CDH13: variants seen among roughly 807,000 people sequenced by gnomAD.
The protein encoded by CDH13 is cadherin 13, also known as cadherin-13.
A neutral mutation model predicts 63.8 loss-of-function variants in CDH13; 24 were observed. The observed-to-expected ratio is 0.38, with a 90% CI of 0.27 to 0.53. The LOEUF (loss-of-function observed/expected upper bound fraction) is 0.53. CDH13 is among the 20% of genes least tolerant of loss of function. The pLI is 0.85. For synonymous variants in CDH13, 503 were observed against 355.3 expected (o/e 1.42, Z -4.67); for missense variants, 1,049 against 903.1 (o/e 1.16, Z -2.07).
rs1337463879 is a variant in CDH13, at chr16:83,797,439, C to G, written c.*2409C>G. On this transcript the variant is annotated 3_prime_UTR_variant, in exon 14 of 14. Transcript: ENST00000567109. The stretch of plus-strand genomic sequence containing the variant: ...CATTAATAAATAGAATATGCCTCAA[C>G]TTTCCCTTATTTAAACATATTCTCT... The G allele has an allele frequency of 6.6e-6, 1 of 152,220 alleles. No homozygotes were observed. Among genetic ancestry groups the G allele is most frequent in the Non-Finnish European group, 1.5e-5 (1 of 68,044 alleles). 9.4% of individuals were successfully genotyped at this position (152,220 alleles called of 1,614,324 possible). A position where few individuals can be genotyped will look rare whatever the true frequency, so the allele number is the denominator to read the frequency against.
intron 4 of CDH13, among the ~76,000 whole-genome samples, chr16:83,126,822 G>T (rs765963430): frequency 6.6e-6 from 1 of 152,198 alleles, no homozygotes; most frequent in Non-Finnish European, 1.5e-5. Context: ...TGGACTCCAA[G>T]CTTTGGACTG....
chr16:83,159,738 C>T (rs1477703963), intron 4 of CDH13, among the ~76,000 whole-genome samples: 1 of 152,140 alleles, frequency 6.6e-6, no homozygotes, highest in Non-Finnish European at 1.5e-5. Context: ...GCCTGTCAAG[C>T]ATATAAAACT....
intron 1 of CDH13, among the ~76,000 whole-genome samples, chr16:82,795,935 C>A (rs2036560152): frequency 6.8e-6 from 1 of 147,244 alleles, no homozygotes; most frequent in South Asian, 2.2e-4. Flanking sequence ...AAAAAGGCCA[C>A]CCTTCATTCT....
rs527973692 is a variant in CDH13, at chr16:82,980,970, G to T, written c.158-51040G>T. ...TAATTAGTGCTCCAGGACAAAACAT[G>T]CTGCTGCTTTTTTCTCATCCCCTAA... is the stretch of plus-strand genomic sequence containing the variant. On this transcript the variant is annotated intron_variant, in intron 2 of 13. Coordinates refer to ENST00000567109, the MANE Select transcript of CDH13 (RefSeq NM_001257.5). Among the ~76,000 whole-genome samples the T allele has an allele frequency of 4.6e-5, 7 of 152,264 alleles. No individual in the cohort carries two copies. In the South Asian group the frequency reaches 1.5e-3, roughly 32 times the overall value.
At chr16:83,406,023 C>A (rs1326772404) in intron 6 of CDH13, among the ~76,000 whole-genome samples, 1 of 152,228 alleles carries the variant, frequency 6.6e-6, no homozygotes, top group Admixed American at 6.5e-5. Context: ...CTTCTTCCAG[C>A]AGCTTCTCCC....
chr16:83,506,766 G>A (rs183388538), intron 7 of CDH13, among the ~76,000 whole-genome samples: 2 of 152,316 alleles, frequency 1.3e-5, no homozygotes, highest in East Asian at 3.9e-4. Flanking sequence ...GTGTTGTAGG[G>A]AAGCTCAAGT....
intron 6 of CDH13, among the ~76,000 whole-genome samples, chr16:83,359,349 A>G (rs1291375486): frequency 6.6e-6 from 1 of 152,202 alleles, no homozygotes; most frequent in East Asian, 1.9e-4. Flanking sequence ...TTCTGTGAGC[A>G]AGTAGATATC....
At chr16:83,526,480 C>T (rs1053274453) in intron 7 of CDH13, among the ~76,000 whole-genome samples, 1 of 152,194 alleles carries the variant, frequency 6.6e-6, no homozygotes, top group Admixed American at 6.5e-5. Context: ...AGATCCCTTG[C>T]ATGCACAGTT....
intron 7 of CDH13, among the ~76,000 whole-genome samples, chr16:83,544,223 C>G (rs2075343112): frequency 6.6e-6 from 1 of 152,056 alleles, no homozygotes; most frequent in Admixed American, 6.5e-5. Flanking sequence ...AGTAGTTCAC[C>G]CAATGTCATA....
At chr16:82,655,645 A>C (rs1331656591) in intron 1 of CDH13, among the ~76,000 whole-genome samples, 1 of 152,146 alleles carries the variant, frequency 6.6e-6, no homozygotes, top group East Asian at 1.9e-4. Flanking sequence ...CAGCAGAGGA[A>C]GCCAAAGCAA....
At position 83,571,783 on chromosome 16, in the gene CDH13, T is replaced by C. The variant is rs539298528; in HGVS notation, c.961-30671T>C. Among the ~76,000 whole-genome samples, 31 of 152,342 alleles carry C rather than the reference T, an allele frequency of 2.0e-4. No homozygotes were observed. In the South Asian group the frequency reaches 5.2e-3, roughly 25 times the overall value. On this transcript the variant is annotated intron_variant, in intron 7 of 13. Coordinates refer to ENST00000567109, the MANE Select transcript of CDH13 (RefSeq NM_001257.5). The stretch of plus-strand genomic sequence containing the variant: ...CTGCATTTTCTTTTCGCTCATATCC[T>C]GTGGTTTGTCTCAATTCTATGCAGC...
At chr16:83,377,283 G>GT (rs1289799856) in intron 6 of CDH13, among the ~76,000 whole-genome samples, 5 of 152,198 alleles carry the variant, frequency 3.3e-5, no homozygotes, top group Non-Finnish European at 7.3e-5. Flanking sequence ...CACCACTGAA[G>GT]TTTTTAACAA....
At chr16:82,753,819 A>T (rs1347630097) in intron 1 of CDH13, among the ~76,000 whole-genome samples, 2 of 152,126 alleles carry the variant, frequency 1.3e-5, no homozygotes, top group Non-Finnish European at 2.9e-5. Flanking sequence ...TCCAAACATC[A>T]AGAGAGAAGT....
At chr16:83,256,049 C>A (rs529117558) in intron 5 of CDH13, among the ~76,000 whole-genome samples, 2 of 151,980 alleles carry the variant, frequency 1.3e-5, no homozygotes, top group East Asian at 3.9e-4. Flanking sequence ...TTATTTTTTT[C>A]TTGAGACAGG....
At chr16:83,069,428 A>G (rs1488070444) in intron 3 of CDH13, among the ~76,000 whole-genome samples, 2 of 152,214 alleles carry the variant, frequency 1.3e-5, no homozygotes, top group African/African-American at 4.8e-5. Flanking sequence ...ACTACGTGCC[A>G]GGCATTGTTT....
intron 2 of CDH13, among the ~76,000 whole-genome samples, chr16:82,883,824 C>G (rs1004429241): frequency 6.6e-6 from 1 of 152,166 alleles, no homozygotes; most frequent in Non-Finnish European, 1.5e-5. Context: ...TTACTCTGTG[C>G]CTGGGACAGC....
intron 3 of CDH13, among the ~76,000 whole-genome samples, chr16:83,111,144 C>G (rs1305828429): frequency 6.6e-6 from 1 of 151,306 alleles, no homozygotes; most frequent in East Asian, 1.9e-4. Flanking sequence ...TGCACTCCAG[C>G]CTGGGCGACA....
intron 4 of CDH13, among the ~76,000 whole-genome samples, chr16:83,202,213 G>A (rs7186563): frequency 0.01 from 1,587 of 152,228 alleles, 26 homozygotes; most frequent in African/African-American, 0.036. Context: ...TGGATAGGAC[G>A]CTCTGGGTCA....
chr16:83,457,812 A>G lies in CDH13; in HGVS notation c.782-28665A>G, dbSNP rs556419925. Among the ~76,000 whole-genome samples the G allele has an allele frequency of 1.2e-4, 18 of 152,154 alleles. No homozygotes were observed. The East Asian group carries it at 2.1e-3, about 18-fold the overall frequency. On this transcript the variant is annotated intron_variant, in intron 6 of 13. Coordinates refer to ENST00000567109, the MANE Select transcript of CDH13 (RefSeq NM_001257.5). Reference sequence around the variant, plus strand: ...CCTGAGGCAAAATCTGAAAACACACATGTTAGGAAAGACATTTGTCTCTCT... The same window carrying G: ...CCTGAGGCAAAATCTGAAAACACACGTGTTAGGAAAGACATTTGTCTCTCT...
Sources: gnomAD v4.1 joint callset for allele counts (sites outside exome capture counted in the v4.1 genomes callset) on GRCh38, gnomAD v4.1.1 for gene constraint, MANE v1.5 for transcripts, NCBI Gene and HGNC (gene_info 2026-07-23, HGNC 2026-07-21) for gene names.